Variants in LIMD1 observed in about 807,000 individuals in gnomAD.
LIMD1 encodes the protein LIM domain-containing protein 1.
LIMD1 carries 23 observed loss-of-function variants against 58.4 expected under a neutral mutation model. The observed-to-expected ratio is 0.39, with a 90% CI of 0.28 to 0.56. The LOEUF (loss-of-function observed/expected upper bound fraction) is 0.56. Ranked by LOEUF, LIMD1 falls within the 20% of genes least tolerant of loss-of-function variation. The pLI is 0.57. For synonymous variants in LIMD1, 334 were observed against 345.5 expected (o/e 0.97, Z 0.37); for missense variants, 838 against 855.5 (o/e 0.98, Z 0.25).
chr3:45,607,014 G>A (rs560405971), intron 1 of LIMD1, among the ~76,000 whole-genome samples: 20 of 152,068 alleles, frequency 1.3e-4, no homozygotes, highest in African/African-American at 4.1e-4. Context: ...GGCAGGTCTC[G>A]AACTCCTGAC....
chr3:45,622,314 C>T (rs1029886965), intron 1 of LIMD1, among the ~76,000 whole-genome samples: 31 of 152,106 alleles, frequency 2.0e-4, no homozygotes, highest in Non-Finnish European at 5.9e-5. Context: ...TGTTAAATTA[C>T]AGTAGTCTGC....
At chr3:45,643,307 A>T (rs1460596566) in intron 2 of LIMD1, among the ~76,000 whole-genome samples, 1 of 152,116 alleles carries the variant, frequency 6.6e-6, no homozygotes, top group Non-Finnish European at 1.5e-5. Context: ...CAATGTGGCA[A>T]AACCCCATCT....
At chr3:45,606,509 C>T (rs1056525035) in intron 1 of LIMD1, among the ~76,000 whole-genome samples, 4 of 152,234 alleles carry the variant, frequency 2.6e-5, no homozygotes, top group Admixed American at 1.3e-4. Flanking sequence ...CCAGCTTTCT[C>T]TTCTGTCCAG....
chr3:45,666,370 C>G (rs1697518359), intron 3 of LIMD1, among the ~76,000 whole-genome samples: 1 of 152,176 alleles, frequency 6.6e-6, no homozygotes, highest in African/African-American at 2.4e-5. Context: ...GCCAGGCTAG[C>G]TTAACGGCCT....
chr3:45,631,129 A>ATTT (rs1701727791), intron 1 of LIMD1, among the ~76,000 whole-genome samples: 1 of 152,132 alleles, frequency 6.6e-6, no homozygotes, highest in Non-Finnish European at 1.5e-5. Flanking sequence ...GCTTGAAACC[A>ATTT]GGAGGCAGAG....
At chr3:45,673,383 C>G (rs777988576) in intron 5 of LIMD1, 71 bp from the exon 6 acceptor site, 26 of 1,250,196 alleles carry the variant, frequency 2.1e-5, no homozygotes, top group Non-Finnish European at 2.7e-5. Context: ...CATGTGGATT[C>G]CAAGTGCAAG....
chr3:45,652,040 G>A (rs1203274499), intron 2 of LIMD1, among the ~76,000 whole-genome samples: 1 of 151,018 alleles, frequency 6.6e-6, no homozygotes, highest in Non-Finnish European at 1.5e-5. Context: ...GATTCTCACG[G>A]GTCAGCCTCC....
chr3:45,659,407 C>T (rs1010802609), intron 2 of LIMD1, among the ~76,000 whole-genome samples: 4 of 152,020 alleles, frequency 2.6e-5, no homozygotes, highest in Admixed American at 1.3e-4. Context: ...GACAACATGG[C>T]GAAACACTGT....
intron 2 of LIMD1, among the ~76,000 whole-genome samples, chr3:45,650,149 C>T (rs980005551): frequency 6.6e-6 from 1 of 151,982 alleles, no homozygotes; most frequent in Non-Finnish European, 1.5e-5. Flanking sequence ...GAAGTTGTCC[C>T]AGAGCTCACT....
At chr3:45,676,166 G>GGGGAGGTGGATGTTGCA in intron 7 of LIMD1, among the ~76,000 whole-genome samples, 1 of 152,066 alleles carries the variant, frequency 6.6e-6, no homozygotes, top group East Asian at 1.9e-4. Context: ...TCCTTGAACG[G>GGGGAGGTGGATGTTGCA]GGGAGGTGGA....
intron 2 of LIMD1, among the ~76,000 whole-genome samples, chr3:45,660,879 TTA>T (rs1697428315): frequency 2.0e-5 from 3 of 152,154 alleles, no homozygotes; most frequent in Non-Finnish European, 1.5e-5. Context: ...TGGAGTCCCT[TTA>T]TAGAGAGAAA....
intron 3 of LIMD1, among the ~76,000 whole-genome samples, chr3:45,667,172 C>T (rs1022037465): frequency 2.6e-5 from 4 of 152,196 alleles, no homozygotes; most frequent in Admixed American, 2.0e-4. Flanking sequence ...GTCCCTCCTT[C>T]GGAATCCTCC....
intron 1 of LIMD1, among the ~76,000 whole-genome samples, chr3:45,618,628 G>T (rs1701599602): frequency 1.3e-5 from 2 of 152,196 alleles, no homozygotes; most frequent in Non-Finnish European, 2.9e-5. Context: ...GAACTTTTAT[G>T]GGGCACCTCT....
At chr3:45,629,601 T>G (rs71325079) in intron 1 of LIMD1, among the ~76,000 whole-genome samples, 7,442 of 152,136 alleles carry the variant, frequency 0.049, 218 homozygotes, top group East Asian at 0.14. Context: ...CCAGCCTGCC[T>G]TGCTCCCATC....
At chr3:45,602,173 C>A (rs543179052) in intron 1 of LIMD1, among the ~76,000 whole-genome samples, 1 of 152,264 alleles carries the variant, frequency 6.6e-6, no homozygotes, top group East Asian at 1.9e-4. Context: ...TGGTCTCGAT[C>A]TCCTGACCTT....
intron 1 of LIMD1, among the ~76,000 whole-genome samples, chr3:45,599,019 A>C (rs1374069845): frequency 6.6e-6 from 1 of 152,166 alleles, no homozygotes; most frequent in Non-Finnish European, 1.5e-5. Context: ...CACAGGTCAT[A>C]TTGGGTACTG....
intron 1 of LIMD1, among the ~76,000 whole-genome samples, chr3:45,606,461 G>C (rs142572035): frequency 6.6e-6 from 1 of 152,292 alleles, no homozygotes; most frequent in Non-Finnish European, 1.5e-5. Flanking sequence ...GAGCTGACTG[G>C]AGGAGTTGGG....
intron 2 of LIMD1, among the ~76,000 whole-genome samples, chr3:45,660,405 CTTTTTTTTT>C (rs869301368): frequency 7.5e-5 from 6 of 80,012 alleles, no homozygotes; most frequent in South Asian, 1.4e-3. Flanking sequence ...GGTGGGCTGT[CTTTTTTTTT>C]TTTTTTTTTT....
At chr3:45,647,111 A>G (rs1701915367) in intron 2 of LIMD1, among the ~76,000 whole-genome samples, 1 of 152,240 alleles carries the variant, frequency 6.6e-6, no homozygotes, top group Admixed American at 6.5e-5. Context: ...ATTCAATACC[A>G]AAAAGAACCC....
Sources: allele counts gnomAD v4.1 joint callset (sites outside exome capture counted in the v4.1 genomes callset), GRCh38; gene constraint gnomAD v4.1.1; transcripts MANE v1.5; gene names NCBI Gene and HGNC (gene_info 2026-07-23, HGNC 2026-07-21).